The following ABCA13 variants were observed in gnomAD, a reference collection of about 807,000 sequenced individuals.
ABCA13 encodes the protein ATP-binding cassette sub-family A member 13.
ABCA13 carries 476 observed loss-of-function variants against 478.7 expected under a neutral mutation model. That is an observed-to-expected ratio of 0.99 (90% CI 0.92 to 1.07). The LOEUF (loss-of-function observed/expected upper bound fraction) is 1.07, where lower values mean the gene tolerates loss of function less well. Among genes scored for constraint, ABCA13 ranks in the 50% least tolerant of loss-of-function variants. The probability of loss-of-function intolerance (pLI) is 0.00; values close to 1 mark genes in which losing one functional copy is unlikely to be tolerated. For missense variants in ABCA13, 6,060 were observed against 5,910.6 expected (o/e 1.03, Z -0.83); for synonymous variants, 2,252 against 2,158.9 (o/e 1.04, Z -1.20).
In ABCA13 at chr7:48,544,311, C is replaced by A. The variant is rs1784619633; in HGVS notation, c.14354+15966C>A. Among the ~76,000 whole-genome samples the A allele has an allele frequency of 2.0e-5, 3 of 151,708 alleles. No homozygotes were observed. The South Asian group carries it at 6.2e-4, about 32-fold the overall frequency. ...ACAACTCCTAAAATTCTTGGAATGT[C>A]CAAACTGATGTAATTTTTATGCTAA... is the stretch of plus-strand genomic sequence containing the variant. On this transcript the variant is annotated intron_variant, in intron 55 of 61. Coordinates refer to ENST00000435803, the MANE Select transcript of ABCA13 (RefSeq NM_152701.5).
At position 48,369,234 on chromosome 7, in the gene ABCA13, C is replaced by T. The variant is rs190171440; in HGVS notation, c.10803+1326C>T. 7.2e-5 allele frequency among the ~76,000 whole-genome samples: 11 copies of T among 152,110 alleles called. No homozygotes were observed. The East Asian group carries it at 1.4e-3, about 19-fold the overall frequency. On this transcript the variant is annotated intron_variant, in intron 32 of 61. Coordinates refer to ENST00000435803, the MANE Select transcript of ABCA13 (RefSeq NM_152701.5). The stretch of plus-strand genomic sequence containing the variant: ...GAATTGTCTGTTCACGTCCTTCACC[C>T]GCTTTTTGATGAAATTGTTTTTTTC...
chr7:48,443,891 AC>A (rs1313494488), intron 42 of ABCA13, among the ~76,000 whole-genome samples: 5 of 151,828 alleles, frequency 3.3e-5, no homozygotes, highest in African/African-American at 1.2e-4. Flanking sequence ...AGGAGGAAAC[AC>A]CCTCTTTCCT....
At chr7:48,616,087 A>G (rs1792542436) in intron 59 of ABCA13, among the ~76,000 whole-genome samples, 1 of 152,226 alleles carries the variant, frequency 6.6e-6, no homozygotes, top group East Asian at 1.9e-4. Flanking sequence ...TCTATGTAGA[A>G]TAATTTATTC....
At chr7:48,593,344 T>A (rs879536826) in intron 57 of ABCA13, among the ~76,000 whole-genome samples, 1 of 151,672 alleles carries the variant, frequency 6.6e-6, no homozygotes, top group Non-Finnish European at 1.5e-5. Context: ...GTTACAAAAG[T>A]CTATTTTTAA....
intron 27 of ABCA13, among the ~76,000 whole-genome samples, chr7:48,328,170 G>T (rs1804615560): frequency 6.6e-6 from 1 of 152,158 alleles, no homozygotes; most frequent in African/African-American, 2.4e-5. Context: ...AACTTGTACG[G>T]GCTGGAAGTG....
intron 1 of ABCA13, among the ~76,000 whole-genome samples, chr7:48,189,088 C>A (rs1044459620): frequency 6.6e-6 from 1 of 152,126 alleles, no homozygotes; most frequent in East Asian, 1.9e-4. Flanking sequence ...GCATCTGTGC[C>A]AGCGCATTTG....
At position 48,515,702 on chromosome 7, in the gene ABCA13, G is replaced by A. The variant is rs147006977; in HGVS notation, c.13641-1023G>A. ...CCTGGCTTGCTGGGGACTAAAGGAA[G>A]ATTAGGGCACACTGAGGAGTTACAG... is the stretch of plus-strand genomic sequence containing the variant. On this transcript the variant is annotated intron_variant, in intron 51 of 61. Coordinates refer to ENST00000435803, the MANE Select transcript of ABCA13 (RefSeq NM_152701.5). Among the ~76,000 whole-genome samples, 212 of 152,298 alleles carry A rather than the reference G, an allele frequency of 1.4e-3. 1 individual carries two copies. Among genetic ancestry groups the A allele is most frequent in the Middle Eastern group, 0.014 (4 of 294 alleles).
chr7:48,237,684 C>T (rs979770096), intron 8 of ABCA13, among the ~76,000 whole-genome samples: 1 of 152,204 alleles, frequency 6.6e-6, no homozygotes, highest in Admixed American at 6.5e-5. Flanking sequence ...CACATGCTGC[C>T]CCTGCAAGAG....
intron 42 of ABCA13, among the ~76,000 whole-genome samples, chr7:48,450,994 T>C (rs1824949376): frequency 6.9e-6 from 1 of 145,652 alleles, no homozygotes; most frequent in Non-Finnish European, 1.5e-5. Flanking sequence ...TCTTTTCTTT[T>C]TCTTTTTCTT....
At chr7:48,302,629 C>T (rs112255645) in intron 23 of ABCA13, among the ~76,000 whole-genome samples, 3,522 of 152,208 alleles carry the variant, frequency 0.023, 77 homozygotes, top group African/African-American at 0.057. Context: ...CATTTGCTGA[C>T]GATAATGGCC....
rs909202181 is a variant in ABCA13, at chr7:48,411,142, CCTTTT to C, written c.12228+470_12228+474del. Among the ~76,000 whole-genome samples, 5 of 89,938 alleles carry C rather than the reference CCTTTT, an allele frequency of 5.6e-5. 1 individual carries two copies. Among genetic ancestry groups the C allele is most frequent in the East Asian group, 7.3e-4 (2 of 2,734 alleles). The allele number at this position is 89,938 out of a possible 152,430, so 59.0% of individuals were successfully genotyped here. The stretch of plus-strand genomic sequence containing the variant: ...TCTCTCCTTTCCTTTCCTTTCCTTT[CCTTTT>C]CTTTCTCCCCTTCCCTTCTCTTTCT... On this transcript the variant is annotated intron_variant, in intron 40 of 61. Coordinates refer to ENST00000435803, the MANE Select transcript of ABCA13 (RefSeq NM_152701.5).
chr7:48,273,311 T>C lies in ABCA13; in HGVS notation c.3645T>C (p.Asn1215=). ...VARLILNLFK[N]VTQANDFHNW... ...GACTCATATTAAATTTGTTTAAAAATGTAACTCAAGCCAATGACTTCCATA... is the reference window on the plus strand; with the variant it reads ...GACTCATATTAAATTTGTTTAAAAACGTAACTCAAGCCAATGACTTCCATA... Residue 1215 remains asparagine, a synonymous_variant, in exon 17 of 62, where the codon AAT becomes AAC. Coordinates refer to ENST00000435803, the MANE Select transcript of ABCA13 (RefSeq NM_152701.5). 1.2e-6 allele frequency: 2 copies of C among 1,613,628 alleles called. No individual in the cohort carries two copies. Among genetic ancestry groups the C allele is most frequent in the East Asian group, 4.5e-5 (2 of 44,854 alleles).
At chr7:48,598,172 T>C (rs1321589752) in intron 58 of ABCA13, among the ~76,000 whole-genome samples, 1 of 152,228 alleles carries the variant, frequency 6.6e-6, no homozygotes, top group Non-Finnish European at 1.5e-5. Context: ...TTTTCCACAA[T>C]GCCATATAGT....
intron 1 of ABCA13, among the ~76,000 whole-genome samples, chr7:48,175,868 T>C (rs1794797456): frequency 6.6e-6 from 1 of 150,634 alleles, no homozygotes; most frequent in African/African-American, 2.4e-5. Context: ...CTACTTCTTA[T>C]TTTAAAGAAT....
chr7:48,533,386 A>C (rs1833366728), intron 55 of ABCA13, among the ~76,000 whole-genome samples: 1 of 152,050 alleles, frequency 6.6e-6, no homozygotes, highest in Admixed American at 6.6e-5. Flanking sequence ...TGATTTTCTT[A>C]AATTTACTCA....
At chr7:48,446,727 C>A (rs1307902096) in intron 42 of ABCA13, among the ~76,000 whole-genome samples, 3 of 152,136 alleles carry the variant, frequency 2.0e-5, no homozygotes, top group Non-Finnish European at 2.9e-5. Flanking sequence ...TGATGCTAAT[C>A]CTAGAGTGCT....
intron 58 of ABCA13, among the ~76,000 whole-genome samples, chr7:48,607,879 T>G (rs1791627445): frequency 6.6e-6 from 1 of 152,194 alleles, no homozygotes; most frequent in African/African-American, 2.4e-5. Context: ...CTACTCATTT[T>G]CTTATTTTTT....
intron 57 of ABCA13, among the ~76,000 whole-genome samples, chr7:48,591,769 C>T (rs761155989): frequency 2.0e-5 from 3 of 151,812 alleles, no homozygotes; most frequent in Non-Finnish European, 4.4e-5. Context: ...TTTCTGATAA[C>T]CCATTGTTAT....
chr7:48,172,524 G>A (rs1794232946), intron 1 of ABCA13, among the ~76,000 whole-genome samples: 1 of 152,058 alleles, frequency 6.6e-6, no homozygotes, highest in African/African-American at 2.4e-5. Flanking sequence ...GGCCGGGCGC[G>A]GTGGCTCACG....
Sources: allele counts gnomAD v4.1 joint callset (sites outside exome capture counted in the v4.1 genomes callset), GRCh38; gene constraint gnomAD v4.1.1; transcripts MANE v1.5; gene names NCBI Gene and HGNC (gene_info 2026-07-23, HGNC 2026-07-21).